ABAT: variants seen among roughly 807,000 people sequenced by gnomAD.
The protein encoded by ABAT is 4-aminobutyrate aminotransferase.
ABAT carries 45 observed loss-of-function variants against 64.6 expected under a neutral mutation model. The ratio of observed to expected loss-of-function variants is 0.70; its 90% CI spans 0.55 to 0.89. The LOEUF (loss-of-function observed/expected upper bound fraction) is 0.89. Among genes scored for constraint, ABAT ranks in the 40% least tolerant of loss-of-function variants. ABAT has a pLI of 0.00. For synonymous variants in ABAT, 297 were observed against 250.5 expected (o/e 1.19, Z -1.75); for missense variants, 633 against 658.4 (o/e 0.96, Z 0.42).
intron 1 of ABAT, among the ~76,000 whole-genome samples, chr16:8,711,889 C>T (rs536497097): frequency 1.6e-3 from 250 of 151,936 alleles, no homozygotes; most frequent in African/African-American, 5.4e-3. Context: ...GATGAATGAA[C>T]AGACAGACAA....
chr16:8,768,734 T>TCG, intron 10 of ABAT, 91 bp from the exon 11 acceptor site: 2 of 1,576,294 alleles, frequency 1.3e-6, no homozygotes, highest in South Asian at 2.2e-5. Flanking sequence ...ACTGACAGCC[T>TCG]TGCGCTGAAA....
chr16:8,734,703 G>T (rs555181404), intron 1 of ABAT, among the ~76,000 whole-genome samples: 19 of 152,320 alleles, frequency 1.2e-4, no homozygotes, highest in African/African-American at 4.1e-4. Context: ...GCTGTTCTGA[G>T]ATACAAATTT....
intron 1 of ABAT, among the ~76,000 whole-genome samples, chr16:8,722,415 G>T (rs1410207271): frequency 6.6e-6 from 1 of 152,170 alleles, no homozygotes; most frequent in African/African-American, 2.4e-5. Context: ...AAAATTCTGG[G>T]ATTACAGGCA....
In ABAT at chr16:8,776,548, G is replaced by T; in HGVS notation, c.1269+58G>T. ...CCCATGGCTCCCCGCAGCAGCCTCC[G>T]GGGCAACACTGGAGCTCTTCGGCAT... On this transcript the variant is annotated intron_variant, in intron 14 of 15. Transcript: ENST00000268251. This position sits in a 1 kb window ranked among gnomAD's most constrained non-coding sequence, Gnocchi z 4.4. 6.9e-7 allele frequency: 1 copy of T among 1,447,148 alleles called. No homozygotes were observed. The highest frequency in any genetic ancestry group is 9.3e-7 in the Non-Finnish European group (1 of 1,072,794). 89.6% of individuals were successfully genotyped at this position (1,447,148 alleles called of 1,614,324 possible).
chr16:8,752,339 C>T (rs1206268012), intron 5 of ABAT, among the ~76,000 whole-genome samples: 3 of 152,172 alleles, frequency 2.0e-5, no homozygotes, highest in Non-Finnish European at 1.5e-5. Context: ...GGGTTCAAAT[C>T]CTGGCTCTAC....
intron 1 of ABAT, among the ~76,000 whole-genome samples, chr16:8,723,292 GAGAAGGATGATGGCA>G (rs1267182998): frequency 1.3e-5 from 2 of 152,140 alleles, no homozygotes; most frequent in African/African-American, 4.8e-5. Flanking sequence ...CTTCATCCAG[GAGAAGGATGATGGCA>G]AGTTGGACCA....
intron 1 of ABAT, chr16:8,731,654 T>A (rs972753103): frequency 6.6e-6 from 1 of 152,016 alleles, no homozygotes; most frequent in East Asian, 1.9e-4. Flanking sequence ...TTAATTGTTA[T>A]TTTAAAAATC....
chr16:8,718,102 C>A (rs1200359810), intron 1 of ABAT, among the ~76,000 whole-genome samples: 1 of 152,190 alleles, frequency 6.6e-6, no homozygotes, highest in East Asian at 1.9e-4. Flanking sequence ...CTCTCTGAAC[C>A]TCAGTCTCAT....
At chr16:8,749,234 C>T (rs1429754173) in intron 4 of ABAT, among the ~76,000 whole-genome samples, 5 of 151,138 alleles carry the variant, frequency 3.3e-5, no homozygotes, top group Admixed American at 1.3e-4. Context: ...ATTACAGGCA[C>T]CCGCCTCCAC....
intron 11 of ABAT, 37 bp from the exon 12 acceptor site, chr16:8,772,743 T>A: frequency 6.2e-7 from 1 of 1,613,830 alleles, no homozygotes; most frequent in Non-Finnish European, 8.5e-7. Context: ...GTCACAAGCC[T>A]CTGCCATCGG....
intron 1 of ABAT, among the ~76,000 whole-genome samples, chr16:8,691,244 T>C (rs1040361913): frequency 4.6e-5 from 7 of 152,060 alleles, no homozygotes; most frequent in African/African-American, 1.7e-4. Flanking sequence ...TTTGATGTGG[T>C]TTCAAACCCA....
At chr16:8,711,037 C>A (rs1364470924) in intron 1 of ABAT, among the ~76,000 whole-genome samples, 1 of 152,146 alleles carries the variant, frequency 6.6e-6, no homozygotes, top group Non-Finnish European at 1.5e-5. Flanking sequence ...TAACCAGTTC[C>A]CACTCATGGA....
intron 1 of ABAT, among the ~76,000 whole-genome samples, chr16:8,679,747 C>T (rs2057289087): frequency 1.3e-5 from 2 of 151,946 alleles, no homozygotes; most frequent in South Asian, 4.2e-4. Context: ...TCCTGAGGCC[C>T]CAAGAATGCT....
chr16:8,691,443 CTTT>C (rs923253481), intron 1 of ABAT, among the ~76,000 whole-genome samples: 1 of 147,464 alleles, frequency 6.8e-6, no homozygotes, highest in African/African-American at 2.5e-5. Context: ...CCCCAGGGAA[CTTT>C]TTTTTTTTTC....
intron 9 of ABAT, among the ~76,000 whole-genome samples, chr16:8,766,824 C>A (rs1024520014): frequency 1.3e-5 from 2 of 152,038 alleles, no homozygotes; most frequent in African/African-American, 4.8e-5. Flanking sequence ...CAAAAATTAG[C>A]CAGATGTGGT....
At chr16:8,742,062 G>A (rs2142531712) in intron 2 of ABAT, among the ~76,000 whole-genome samples, 1 of 152,256 alleles carries the variant, frequency 6.6e-6, no homozygotes, top group East Asian at 1.9e-4. Context: ...GATAGGAGCT[G>A]ATACAGTTCT....
chr16:8,730,130 G>A (rs1321886421), intron 1 of ABAT, among the ~76,000 whole-genome samples: 3 of 152,142 alleles, frequency 2.0e-5, no homozygotes, highest in Admixed American at 2.0e-4. Context: ...GGGATGAAAC[G>A]AGATGGTTCT....
intron 1 of ABAT, among the ~76,000 whole-genome samples, chr16:8,684,295 G>A (rs1299451142): frequency 2.0e-5 from 3 of 152,108 alleles, no homozygotes; most frequent in Non-Finnish European, 2.9e-5. Flanking sequence ...AGGATAGACA[G>A]CGTATGGTGG....
At chr16:8,751,810 C>A (rs536644560) in intron 5 of ABAT, among the ~76,000 whole-genome samples, 9 of 152,186 alleles carry the variant, frequency 5.9e-5, no homozygotes, top group Non-Finnish European at 1.0e-4. Flanking sequence ...GCCTCCCCAG[C>A]CTCGCCTCCC....
Sources: allele counts gnomAD v4.1 joint callset (sites outside exome capture counted in the v4.1 genomes callset), GRCh38; gene constraint gnomAD v4.1.1; non-coding constraint Gnocchi (gnomAD v3.1); transcripts MANE v1.5; gene names NCBI Gene and HGNC (gene_info 2026-07-23, HGNC 2026-07-21).